Variants in TANC2 observed in about 807,000 individuals in gnomAD.
TANC2 encodes the protein tetratricopeptide repeat, ankyrin repeat and coiled-coil containing 2, also known as protein TANC2.
Under a neutral mutation model 210.5 loss-of-function variants are expected in TANC2, and 26 were observed. The ratio of observed to expected loss-of-function variants is 0.12; its 90% CI spans 0.09 to 0.17. TANC2 has a LOEUF of 0.17. TANC2 is among the 10% of genes least tolerant of loss of function. The pLI is 1.00. For synonymous variants in TANC2, 931 were observed against 967.1 expected (o/e 0.96, Z 0.69); for missense variants, 2,129 against 2,608.9 (o/e 0.82, Z 4.01).
At chr17:63,255,587 A>G (rs894621794) in intron 8 of TANC2, among the ~76,000 whole-genome samples, 7 of 152,086 alleles carry the variant, frequency 4.6e-5, no homozygotes, top group African/African-American at 1.7e-4. Flanking sequence ...AAGGTTTTCC[A>G]ATTGATTGGT....
chr17:63,243,760 A>G (rs1352691077), intron 8 of TANC2, among the ~76,000 whole-genome samples: 2 of 152,206 alleles, frequency 1.3e-5, no homozygotes, highest in Non-Finnish European at 2.9e-5. Context: ...AAGACTTCAA[A>G]AAGTCCATGG....
intron 9 of TANC2, among the ~76,000 whole-genome samples, chr17:63,285,360 A>G (rs192590753): frequency 1.2e-4 from 18 of 152,134 alleles, no homozygotes; most frequent in African/African-American, 3.9e-4. Context: ...TCCTTAGTTA[A>G]TTAGCTGTAC....
At chr17:62,980,606 T>C (rs777018600) in intron 1 of TANC2, among the ~76,000 whole-genome samples, 32 of 152,188 alleles carry the variant, frequency 2.1e-4, no homozygotes, top group Non-Finnish European at 3.4e-4. Flanking sequence ...TTGATTTATC[T>C]TAGCCATTCA....
intron 21 of TANC2, among the ~76,000 whole-genome samples, chr17:63,407,654 G>T (rs1362003948): frequency 1.3e-5 from 2 of 152,190 alleles, no homozygotes; most frequent in East Asian, 3.8e-4. Flanking sequence ...ACTATGAGTG[G>T]TTCTGATTTT....
intron 19 of TANC2, among the ~76,000 whole-genome samples, chr17:63,399,707 T>C (rs1205030080): frequency 6.6e-6 from 1 of 152,168 alleles, no homozygotes; most frequent in African/African-American, 2.4e-5. Flanking sequence ...AGGGAGAATA[T>C]TTTACTAAAC....
intron 21 of TANC2, among the ~76,000 whole-genome samples, chr17:63,409,156 AT>A (rs759222036): frequency 2.6e-5 from 4 of 151,832 alleles, no homozygotes; most frequent in South Asian, 2.1e-4. Context: ...GTTTATTTGT[AT>A]TTGTTTTTTG....
At chr17:63,422,881 A>G (rs1017928526) in exon 28 of TANC2, 1 of 152,258 alleles carries the variant, frequency 6.6e-6, no homozygotes, top group Non-Finnish European at 1.5e-5. Context: ...ATCCTGATAC[A>G]TCACTGAGTG....
chr17:63,285,399 T>C (rs571937906), intron 9 of TANC2, among the ~76,000 whole-genome samples: 148 of 152,284 alleles, frequency 9.7e-4, no homozygotes, highest in Admixed American at 3.5e-3. Context: ...CACTGTATCA[T>C]GTATACTATG....
At chr17:63,259,285 G>C (rs531475777) in intron 8 of TANC2, among the ~76,000 whole-genome samples, 2 of 152,236 alleles carry the variant, frequency 1.3e-5, no homozygotes, top group Admixed American at 1.3e-4. Context: ...TGCACTGCTT[G>C]GGGTTAGTGG....
At chr17:63,177,240 G>A (rs1482822037) in intron 5 of TANC2, among the ~76,000 whole-genome samples, 1 of 147,750 alleles carries the variant, frequency 6.8e-6, no homozygotes, top group East Asian at 2.0e-4. Context: ...ACTCCAGCCT[G>A]GGTGACAGAG....
At chr17:63,110,682 C>T (rs920882546) in intron 4 of TANC2, among the ~76,000 whole-genome samples, 9 of 152,180 alleles carry the variant, frequency 5.9e-5, no homozygotes, top group Admixed American at 5.9e-4. Flanking sequence ...TTAATCCCAG[C>T]CACAAAGGGA....
At position 63,299,467 on chromosome 17, in the gene TANC2, G is replaced by A. The variant is rs985564674; in HGVS notation, c.1160-14921G>A. Among the ~76,000 whole-genome samples the A allele has an allele frequency of 6.6e-5, 10 of 150,576 alleles. No individual in the cohort carries two copies. The South Asian group carries it at 1.9e-3, about 29-fold the overall frequency. ...TTGACTTTTTAATAATTGCCATTCC[G>A]ACTGGCATGAGATGGTATCTCATTG... On this transcript the variant is annotated intron_variant, in intron 9 of 27. Coordinates refer to ENST00000689528, the Ensembl canonical transcript of TANC2.
chr17:63,224,565 T>G (rs1009268558), intron 7 of TANC2, among the ~76,000 whole-genome samples: 1 of 152,182 alleles, frequency 6.6e-6, no homozygotes, highest in African/African-American at 2.4e-5. Flanking sequence ...TACAATAATA[T>G]ATCCTCCTTG....
At chr17:63,219,854 T>C (rs1009217499) in intron 7 of TANC2, among the ~76,000 whole-genome samples, 14 of 152,178 alleles carry the variant, frequency 9.2e-5, no homozygotes, top group African/African-American at 3.1e-4. Flanking sequence ...ATATTATCAT[T>C]TGTATGGAGT....
At chr17:63,408,865 A>G (rs920321815) in intron 21 of TANC2, among the ~76,000 whole-genome samples, 2 of 152,224 alleles carry the variant, frequency 1.3e-5, no homozygotes, top group Non-Finnish European at 2.9e-5. Flanking sequence ...GTTAAATATG[A>G]CATGCCTACT....
intron 1 of TANC2, among the ~76,000 whole-genome samples, chr17:62,973,018 A>G (rs2031794941): frequency 6.7e-6 from 1 of 149,116 alleles, no homozygotes. Flanking sequence ...TGGTGTATAT[A>G]GTAGTTGCCG....
intron 18 of TANC2, chr17:63,396,212 C>G (rs1420558416): frequency 1.2e-5 from 4 of 345,416 alleles, no homozygotes; most frequent in East Asian, 5.9e-5. Flanking sequence ...CACCAAGGCT[C>G]AAAGAGATGA....
Position 63,340,195 on chromosome 17 carries a change from C to G in TANC2, c.1670C>G (p.Pro557Arg), listed in dbSNP as rs745904981. The change falls in exon 12 of 28, where the codon CCT becomes CGT. Residue 557 changes from proline to arginine, a missense_variant. Around this residue, in one of 5 missense-constraint regions of TANC2, gnomAD observed 739 missense variants for 848.0 expected, o/e 0.87. Coordinates refer to ENST00000689528, the Ensembl canonical transcript of TANC2. ...GTTGCTGCCTTGCTCTGCCGCTCAC[C>G]TCAGCTGACAGCCTATCGGGAGCAG... 86 of 1,613,816 alleles carry G rather than the reference C, an allele frequency of 5.3e-5. No homozygotes were observed. In the South Asian group the frequency reaches 9.1e-4, roughly 17 times the overall value.
At chr17:63,296,135 G>A (rs1427086485) in intron 9 of TANC2, among the ~76,000 whole-genome samples, 1 of 152,122 alleles carries the variant, frequency 6.6e-6, no homozygotes, top group Non-Finnish European at 1.5e-5. Flanking sequence ...GAAGCTCTAA[G>A]AATCAGTCCT....
Sources: allele counts gnomAD v4.1 joint callset (sites outside exome capture counted in the v4.1 genomes callset), GRCh38; gene constraint gnomAD v4.1.1; regional missense constraint gnomAD v4.1.1; transcripts MANE v1.5; gene names NCBI Gene and HGNC (gene_info 2026-07-23, HGNC 2026-07-21).